Variants in ANKUB1 observed in about 807,000 individuals in gnomAD.
ANKUB1 encodes the protein ankyrin repeat and ubiquitin domain containing 1.
Under a neutral mutation model 49.3 loss-of-function variants are expected in ANKUB1, and 42 were observed. That is an observed-to-expected ratio of 0.85 (90% CI 0.67 to 1.10). The LOEUF (loss-of-function observed/expected upper bound fraction) is 1.10. ANKUB1 is among the 50% of genes least tolerant of loss of function. The pLI is 0.00. For synonymous variants in ANKUB1, 222 were observed against 231.0 expected (o/e 0.96, Z 0.35); for missense variants, 613 against 642.0 (o/e 0.95, Z 0.49).
intron 3 of ANKUB1, among the ~76,000 whole-genome samples, chr3:149,774,050 T>C (rs1717481469): frequency 6.6e-6 from 1 of 152,156 alleles, no homozygotes; most frequent in East Asian, 1.9e-4. Context: ...GAAGTCAGTG[T>C]TCCTGTTCAT....
rs748516672 is a variant in ANKUB1, at chr3:149,770,628, C to T, written c.498G>A (p.Leu166=). ...GTTTTTGTCCAAGGAGACAACCCAT[C>T]AGAAATTCCTTCCATCCATCCCAGA... The part of the protein sequence containing the change: ...LDVWDGWKEF[L]MGCLLGQKLK... Residue 166 remains leucine, a synonymous_variant, in exon 4 of 6, where the codon CTG becomes CTA. Coordinates refer to ENST00000446160, the MANE Select transcript of ANKUB1 (RefSeq NM_001144960.3). 8.3e-5 allele frequency: 128 copies of T among 1,550,492 alleles called. No homozygotes were observed. The highest frequency in any genetic ancestry group is 1.1e-4 in the Non-Finnish European group (124 of 1,146,518).
chr3:149,767,093 T>C (rs1717058455), intron 5 of ANKUB1, 64 bp downstream of exon 5: 5 of 1,393,728 alleles, frequency 3.6e-6, no homozygotes, highest in Non-Finnish European at 2.9e-6. Context: ...TTATGGACCA[T>C]TCCTTATCCT....
intron 1 of ANKUB1, among the ~76,000 whole-genome samples, chr3:149,792,037 T>A (rs929156547): frequency 2.0e-5 from 3 of 152,094 alleles, no homozygotes; most frequent in East Asian, 3.9e-4. Flanking sequence ...TAAAAAGAAG[T>A]CAGACTTTTT....
At chr3:149,773,634 C>A (rs1185501729) in intron 3 of ANKUB1, among the ~76,000 whole-genome samples, 1 of 152,210 alleles carries the variant, frequency 6.6e-6, no homozygotes, top group African/African-American at 2.4e-5. Context: ...TTCTCATGCA[C>A]TGGAAACAAA....
At chr3:149,791,031 T>C (rs1217943980) in intron 1 of ANKUB1, 107 bp from the exon 2 acceptor site, 1 of 1,176,036 alleles carries the variant, frequency 8.5e-7, no homozygotes, top group African/African-American at 1.6e-5. Flanking sequence ...TTATAATTGT[T>C]TGGGACAAAG....
At chr3:149,762,690 AACTT>A (rs1355195677) in intron 5 of ANKUB1, among the ~76,000 whole-genome samples, 3 of 152,202 alleles carry the variant, frequency 2.0e-5, no homozygotes, top group Non-Finnish European at 4.4e-5. Flanking sequence ...CTGATTATGG[AACTT>A]ACTTCATGAA....
chr3:149,761,663 T>C, intron 5 of ANKUB1, 50 bp from the exon 6 acceptor site: 1 of 1,519,100 alleles, frequency 6.6e-7, no homozygotes, highest in Non-Finnish European at 8.9e-7. Flanking sequence ...CTTGTCTGCA[T>C]ACATAGCTGA....
Position 149,780,308 on chromosome 3 carries a change from A to G in ANKUB1, c.382T>C (p.Cys128Arg), listed in dbSNP as rs1185257917. ...LRCGLPVSVY[C>R]LRTPRGLEMY... is the part of the protein sequence containing the mutation. The stretch of plus-strand genomic sequence containing the variant: ...TCCAGGCCCCTTGGGGTTCGGAGAC[A>G]GTAGACACTCACGGGGAGGCCACAT... Residue 128 changes from cysteine to arginine, a missense_variant, in exon 3 of 6, where the codon TGT (cysteine) becomes CGT (arginine). Physicochemically the swap from Cys to Arg is radical, Grantham distance 180 (BLOSUM62 -3). Coordinates refer to ENST00000446160, the MANE Select transcript of ANKUB1 (RefSeq NM_001144960.3). The G allele has an allele frequency of 1.4e-5, 22 of 1,551,674 alleles. No individual in the cohort carries two copies. In the East Asian group the frequency reaches 5.4e-4, roughly 38 times the overall value.
intron 3 of ANKUB1, among the ~76,000 whole-genome samples, chr3:149,770,888 C>T (rs623414): frequency 6.6e-6 from 1 of 152,236 alleles, no homozygotes; most frequent in Non-Finnish European, 1.5e-5. Context: ...ATTTTCTCAT[C>T]TGCTCAATGA....
chr3:149,774,279 GTCATTCATTCAT>G (rs3973945), intron 3 of ANKUB1, among the ~76,000 whole-genome samples: 2 of 151,176 alleles, frequency 1.3e-5, no homozygotes, highest in Non-Finnish European at 2.9e-5. Context: ...TGCCTCTTTT[GTCATTCATTCAT>G]TCATTCATTC....
At chr3:149,772,127 T>G (rs1717394126) in intron 3 of ANKUB1, among the ~76,000 whole-genome samples, 2 of 151,502 alleles carry the variant, frequency 1.3e-5, no homozygotes, top group African/African-American at 4.9e-5. Flanking sequence ...CAGGCTCAAG[T>G]GATTCTCCTG....
intron 3 of ANKUB1, chr3:149,778,736 T>C (rs919699726): frequency 6.6e-6 from 1 of 152,106 alleles, no homozygotes; most frequent in African/African-American, 2.4e-5. Context: ...AGGAAAAAAA[T>C]TATGTCAAAG....
chr3:149,766,666 C>A, intron 5 of ANKUB1: 1 of 553,832 alleles, frequency 1.8e-6, no homozygotes, highest in East Asian at 3.0e-5. Flanking sequence ...GATATAGTGG[C>A]ATGTGCCTGT....
chr3:149,786,287 G>T (rs1483030102), intron 2 of ANKUB1, among the ~76,000 whole-genome samples: 2 of 152,230 alleles, frequency 1.3e-5, no homozygotes, highest in South Asian at 2.1e-4. Flanking sequence ...TACCCACCTC[G>T]ACCTCCCAAA....
chr3:149,778,615 C>T, intron 3 of ANKUB1: 1 of 152,128 alleles, frequency 6.6e-6, no homozygotes, highest in East Asian at 1.9e-4. Context: ...GAGCCCCCAT[C>T]ATGTTCTAGG....
chr3:149,769,107 T>G (rs1236383381), intron 4 of ANKUB1, among the ~76,000 whole-genome samples: 1 of 152,184 alleles, frequency 6.6e-6, no homozygotes, highest in Non-Finnish European at 1.5e-5. Flanking sequence ...AATTGTAAAA[T>G]CTGCTCTTCT....
chr3:149,769,577 G>A (rs1341102275), intron 4 of ANKUB1, among the ~76,000 whole-genome samples: 1 of 152,156 alleles, frequency 6.6e-6, no homozygotes, highest in Non-Finnish European at 1.5e-5. Flanking sequence ...CTAATCTACT[G>A]AACATCAAAT....
chr3:149,761,504 A>C lies in ANKUB1; in HGVS notation c.1615T>G (p.Ser539Ala). ...TRGGLTACENSLETVL is the reference protein window; with the variant it reads ...TRGGLTACENALETVL ...ACTTTTCAAAGCACAGTTTCTAGAG[A>C]GTTTTCACACGCTGTCAGACCTCCT... is the stretch of plus-strand genomic sequence containing the variant. Residue 539 changes from serine (S) to alanine (A), a missense_variant, in exon 6 of 6, where the codon TCT (serine) becomes GCT (alanine). Transcript: ENST00000446160. 2.6e-6 allele frequency: 4 copies of C among 1,551,410 alleles called. No individual in the cohort carries two copies. The highest frequency in any genetic ancestry group is 2.4e-5 in the South Asian group (2 of 84,046).
At chr3:149,780,147 A>G in intron 3 of ANKUB1, 92 bp downstream of exon 3, 3 of 996,630 alleles carry the variant, frequency 3.0e-6, no homozygotes, top group East Asian at 2.6e-5. Flanking sequence ...ATGAAAATCT[A>G]GATTTCTATT....
Sources: gnomAD v4.1 joint callset for allele counts (sites outside exome capture counted in the v4.1 genomes callset) on GRCh38, gnomAD v4.1.1 for gene constraint, MANE v1.5 for transcripts, NCBI Gene and HGNC (gene_info 2026-07-23, HGNC 2026-07-21) for gene names.